CRADD: variants seen among roughly 807,000 people sequenced by gnomAD.
CRADD encodes death domain-containing protein CRADD.
A neutral mutation model predicts 15.5 loss-of-function variants in CRADD; 9 were observed. The observed-to-expected ratio is 0.58, with a 90% confidence interval of 0.35 to 1.01. CRADD has a LOEUF of 1.01. CRADD is among the 50% of genes least tolerant of loss of function. The pLI, the probability that CRADD is intolerant of heterozygous loss-of-function variation, is 0.02. For missense variants in CRADD, 227 were observed against 250.3 expected (o/e 0.91, Z 0.63); for synonymous variants, 118 against 107.6 (o/e 1.10, Z -0.60).
chr12:93,891,807 C>T (rs957231815), intron 2 of CRADD, among the ~76,000 whole-genome samples: 1 of 152,208 alleles, frequency 6.6e-6, no homozygotes, highest in African/African-American at 2.4e-5. Context: ...CTGGGCTCCT[C>T]GCACTTCTCA....
chr12:93,780,817 T>C (rs1356875996), intron 2 of CRADD, among the ~76,000 whole-genome samples: 1 of 149,448 alleles, frequency 6.7e-6, no homozygotes, highest in Non-Finnish European at 1.5e-5. Flanking sequence ...CTTGGCTCAC[T>C]GCAACCCCTG....
intron 2 of CRADD, among the ~76,000 whole-genome samples, chr12:93,865,185 A>G (rs912534736): frequency 1.3e-5 from 2 of 152,140 alleles, no homozygotes; most frequent in Non-Finnish European, 2.9e-5. Flanking sequence ...GCAGCACAGA[A>G]AAGCTTTTCA....
intron 1 of CRADD, chr12:93,677,913 T>C (rs1955196837): frequency 6.5e-6 from 1 of 152,746 alleles, no homozygotes; most frequent in Non-Finnish European, 1.5e-5. Context: ...CATCCCTGCC[T>C]GCCTTCCCGG....
intron 2 of CRADD, among the ~76,000 whole-genome samples, chr12:93,806,174 C>G (rs529995121): frequency 1.7e-4 from 26 of 152,084 alleles, no homozygotes; most frequent in African/African-American, 6.0e-4. Context: ...AGAGAGGTGG[C>G]CGGGCGCAGT....
chr12:93,863,959 T>C (rs1405567946), intron 2 of CRADD, among the ~76,000 whole-genome samples: 1 of 152,190 alleles, frequency 6.6e-6, no homozygotes, highest in Non-Finnish European at 1.5e-5. Flanking sequence ...CCCATAAAAA[T>C]AAATGCCTAA....
intron 2 of CRADD, among the ~76,000 whole-genome samples, chr12:93,867,831 G>A (rs981454000): frequency 1.3e-5 from 2 of 152,090 alleles, no homozygotes; most frequent in African/African-American, 4.8e-5. Context: ...TTTTTGAGTG[G>A]GGGGCCCAGA....
chr12:93,820,763 G>C (rs953787939), intron 2 of CRADD, among the ~76,000 whole-genome samples: 10 of 152,080 alleles, frequency 6.6e-5, no homozygotes. Flanking sequence ...ATGTAAATTG[G>C]ATCATGCCCC....
At chr12:93,806,327 C>T (rs973964801) in intron 2 of CRADD, among the ~76,000 whole-genome samples, 2 of 151,732 alleles carry the variant, frequency 1.3e-5, no homozygotes, top group Non-Finnish European at 2.9e-5. Context: ...TGGCGCATGC[C>T]TGTAGTCCCA....
intron 2 of CRADD, among the ~76,000 whole-genome samples, chr12:93,734,254 G>C (rs969017967): frequency 6.6e-6 from 1 of 152,026 alleles, no homozygotes; most frequent in Non-Finnish European, 1.5e-5. Context: ...TTCCCTCAAG[G>C]AGCTTACATT....
chr12:93,683,028 C>T (rs1450045135), intron 2 of CRADD, among the ~76,000 whole-genome samples: 3 of 152,176 alleles, frequency 2.0e-5, no homozygotes, highest in Admixed American at 6.5e-5. Context: ...CTCTGGGCTC[C>T]TGTCAGGTCA....
At chr12:93,718,359 G>T (rs551560873) in intron 2 of CRADD, among the ~76,000 whole-genome samples, 11 of 152,254 alleles carry the variant, frequency 7.2e-5, no homozygotes, top group African/African-American at 2.6e-4. Flanking sequence ...TCCTCATATA[G>T]ATCTTGTACG....
rs188530580 is a variant in CRADD at position 93,865,869 on chromosome 12, A to G, written c.299-28181A>G. ...GATTCACAGTTGGTTGAATCTGGGCATGTGGAACCCACAGATGTTTGAGAG... is the reference window on the plus strand; with the variant it reads ...GATTCACAGTTGGTTGAATCTGGGCGTGTGGAACCCACAGATGTTTGAGAG... On this transcript the variant is annotated intron_variant, in intron 2 of 2. Coordinates refer to the CRADD transcript ENST00000548483. Among the ~76,000 whole-genome samples the G allele has an allele frequency of 6.4e-4, 98 of 152,216 alleles. No individual in the cohort carries two copies. In the East Asian group the frequency reaches 0.017, roughly 26 times the overall value.
At chr12:93,768,590 T>TATA (rs1957049759) in intron 2 of CRADD, among the ~76,000 whole-genome samples, 1 of 152,120 alleles carries the variant, frequency 6.6e-6, no homozygotes, top group South Asian at 2.1e-4. Context: ...CTACTCTATA[T>TATA]ATCTCAAAAA....
intron 2 of CRADD, among the ~76,000 whole-genome samples, chr12:93,784,966 T>G (rs1957260920): frequency 6.6e-6 from 1 of 152,170 alleles, no homozygotes; most frequent in African/African-American, 2.4e-5. Flanking sequence ...TTCCAAAACC[T>G]CTTCAGGCAC....
At chr12:93,762,615 T>G (rs1308863930) in intron 2 of CRADD, among the ~76,000 whole-genome samples, 1 of 152,106 alleles carries the variant, frequency 6.6e-6, no homozygotes, top group African/African-American at 2.4e-5. Flanking sequence ...TAGTTAAAAT[T>G]TACTTATTTG....
chr12:93,752,683 T>G (rs903176), intron 2 of CRADD, among the ~76,000 whole-genome samples: 63,782 of 152,002 alleles, frequency 0.42, 14,203 homozygotes, highest in East Asian at 0.8. Flanking sequence ...ATTGGGTAAT[T>G]TATAAAGAAA....
At chr12:93,865,399 C>T (rs1358134222) in intron 2 of CRADD, among the ~76,000 whole-genome samples, 3 of 152,126 alleles carry the variant, frequency 2.0e-5, no homozygotes, top group African/African-American at 7.2e-5. Context: ...GGCATATAAC[C>T]TACCACATCC....
intron 2 of CRADD, among the ~76,000 whole-genome samples, chr12:93,710,517 G>A (rs1337754614): frequency 6.6e-6 from 1 of 151,862 alleles, no homozygotes; most frequent in African/African-American, 2.4e-5. Context: ...GCTAAATTCT[G>A]TATTTTTAGT....
At chr12:93,788,987 T>A (rs1435700246) in intron 2 of CRADD, among the ~76,000 whole-genome samples, 8 of 152,116 alleles carry the variant, frequency 5.3e-5, no homozygotes, top group Non-Finnish European at 8.8e-5. Context: ...GTTCTACAGT[T>A]CTTAGCTCTT....
Sources: allele counts gnomAD v4.1 joint callset (sites outside exome capture counted in the v4.1 genomes callset), GRCh38; gene constraint gnomAD v4.1.1; transcripts MANE v1.5; gene names NCBI Gene and HGNC (gene_info 2026-07-23, HGNC 2026-07-21).